The following FUBP1 variants were observed in gnomAD, a reference collection of about 807,000 sequenced individuals.
The protein encoded by FUBP1 is far upstream element binding protein 1.
Under a neutral mutation model 94.9 loss-of-function variants are expected in FUBP1, and 16 were observed. The observed-to-expected ratio is 0.17, with a 90% CI of 0.11 to 0.26. FUBP1 has a LOEUF of 0.26. FUBP1 is among the 10% of genes least tolerant of loss of function. The probability of loss-of-function intolerance (pLI) is 1.00; values close to 1 mark genes in which losing one functional copy is unlikely to be tolerated. For missense variants in FUBP1, 583 were observed against 808.6 expected (o/e 0.72, Z 3.38); for synonymous variants, 279 against 254.9 (o/e 1.09, Z -0.90).
intron 16 of FUBP1, among the ~76,000 whole-genome samples, chr1:77,958,566 G>A (rs767405991): frequency 6.6e-5 from 10 of 152,138 alleles, no homozygotes; most frequent in Non-Finnish European, 1.5e-4. Flanking sequence ...ATCTGAGTGG[G>A]GCCAACCAGC....
intron 4 of FUBP1, among the ~76,000 whole-genome samples, chr1:77,967,387 C>T (rs2102428488): frequency 6.6e-6 from 1 of 152,280 alleles, no homozygotes; most frequent in South Asian, 2.1e-4. Context: ...TTAACAGTTA[C>T]TCTAATTCAC....
chr1:77,958,506 G>A (rs939942153), intron 16 of FUBP1, among the ~76,000 whole-genome samples: 1 of 152,160 alleles, frequency 6.6e-6, no homozygotes, highest in Non-Finnish European at 1.5e-5. Context: ...GCTATTCTAA[G>A]TCTAATATAA....
rs2102218029 is a variant in FUBP1, at chr1:77,947,344, C to T, written c.*1422G>A. ...CAGTTATGGTTTTCCAAGATATCAG[C>T]ACTGTATTCCAACATAATATTCACA... On this transcript the variant is annotated 3_prime_UTR_variant, in exon 20 of 20. Coordinates refer to ENST00000370768, the MANE Select transcript of FUBP1 (RefSeq NM_003902.5). 1 of 427,514 alleles carries T rather than the reference C, an allele frequency of 2.3e-6. No homozygotes were observed. Among genetic ancestry groups the T allele is most frequent in the East Asian group, 4.5e-5 (1 of 22,346 alleles). The allele number at this position is 427,514 out of a possible 1,614,324, so 26.5% of individuals were successfully genotyped here. A position where few individuals can be genotyped will look rare whatever the true frequency, so the allele number is the denominator to read the frequency against.
At chr1:77,972,771 A>AAAAAGAAAAG (rs372242562) in intron 1 of FUBP1, among the ~76,000 whole-genome samples, 2,082 of 151,604 alleles carry the variant, frequency 0.014, 22 homozygotes, top group Non-Finnish European at 0.021. Context: ...CAAAAAAGAA[A>AAAAAGAAAAG]AAAAGAAAAG....
chr1:77,949,093 A>G, intron 19 of FUBP1, 62 bp downstream of exon 19: 1 of 1,456,738 alleles, frequency 6.9e-7, no homozygotes, highest in Non-Finnish European at 9.6e-7. Flanking sequence ...CAAACAGACA[A>G]ACAGTAAACA....
In FUBP1 at chr1:77,966,760, T is replaced by G; in HGVS notation, c.416-9A>C. On this transcript the variant is annotated splice_polypyrimidine_tract_variant and intron_variant, in intron 6 of 19. Transcript: ENST00000370768. ...TGGAAGGCCACCACTGTCTACAATT[T>G]AAAACAAACAGATAACTTCAGGTCA... 1 of 1,534,562 alleles carries G rather than the reference T, an allele frequency of 6.5e-7. No individual in the cohort carries two copies. The highest frequency in any genetic ancestry group is 9.0e-7 in the Non-Finnish European group (1 of 1,108,896).
chr1:77,960,317 A>G, intron 15 of FUBP1, 27 bp downstream of exon 15: 2 of 1,613,120 alleles, frequency 1.2e-6, no homozygotes, highest in Non-Finnish European at 1.7e-6. Flanking sequence ...TCTTTGGGGA[A>G]AGCCCAGAAC....
rs1651872806 is a variant in FUBP1, at chr1:77,945,069, C to T, written c.*3697G>A. Among the ~76,000 whole-genome samples, 1 of 151,974 alleles carries T rather than the reference C, an allele frequency of 6.6e-6. No homozygotes were observed. Among genetic ancestry groups the T allele is most frequent in the African/African-American group, 2.4e-5 (1 of 41,430 alleles). ...TCAACTGGCTCACCTTTTCTGCTTT[C>T]CATTTATTTCAGACTTAAGATCAGC... On this transcript the variant is annotated 3_prime_UTR_variant, in exon 20 of 20. Transcript: ENST00000370768.
chr1:77,955,800 C>G (rs1016392470), intron 17 of FUBP1, among the ~76,000 whole-genome samples: 3 of 152,094 alleles, frequency 2.0e-5, no homozygotes, highest in African/African-American at 7.2e-5. Flanking sequence ...TTGAAAGAAG[C>G]TAGAAGCAAT....
chr1:77,979,102 T>G, upstream of FUBP1: 1 of 1,229,978 alleles, frequency 8.1e-7, no homozygotes, highest in South Asian at 1.5e-5. Flanking sequence ...CTCTATTACA[T>G]TCTTGCGCGA....
intron 7 of FUBP1, 57 bp from the exon 8 acceptor site, chr1:77,965,288 T>C (rs765606949): frequency 4.1e-5 from 49 of 1,193,762 alleles, no homozygotes; most frequent in Middle Eastern, 2.0e-4. Flanking sequence ...CTTATTCAAA[T>C]AGAGAAATAT....
intron 9 of FUBP1, 47 bp downstream of exon 9, chr1:77,964,823 C>A (rs1656174009): frequency 2.0e-6 from 3 of 1,490,754 alleles, no homozygotes; most frequent in Non-Finnish European, 1.9e-6. Flanking sequence ...TTTTGCCCAA[C>A]CCCATTCAAC....
intron 14 of FUBP1, among the ~76,000 whole-genome samples, chr1:77,962,503 CTAA>C (rs1655680642): frequency 1.3e-5 from 2 of 152,314 alleles, no homozygotes; most frequent in East Asian, 3.9e-4. Context: ...TACACCAACA[CTAA>C]TATCATGCCT....
At chr1:77,978,695 G>A (rs1557490109) in intron 1 of FUBP1, among the ~76,000 whole-genome samples, 190 bp downstream of exon 1, 1 of 152,184 alleles carries the variant, frequency 6.6e-6, no homozygotes. Context: ...AAGTGGATTA[G>A]GCACCAAGAA....
Position 77,944,768 on chromosome 1 carries a change from T to C in FUBP1, c.*3998A>G, listed in dbSNP as rs1339151878. On this transcript the variant is annotated 3_prime_UTR_variant, in exon 20 of 20. Transcript: ENST00000370768. ...CACCCTTATGAATTAACTACCAAGATAATTTGTTTAAAAGATATATTTTAC... is the reference window on the plus strand; with the variant it reads ...CACCCTTATGAATTAACTACCAAGACAATTTGTTTAAAAGATATATTTTAC... Among the ~76,000 whole-genome samples the C allele has an allele frequency of 6.6e-6, 1 of 151,982 alleles. No homozygotes were observed. The highest frequency in any genetic ancestry group is 1.5e-5 in the Non-Finnish European group (1 of 67,852).
In FUBP1 at chr1:77,944,305, C is replaced by T. The variant is rs1571182554; in HGVS notation, c.*4461G>A. ...CATTTTTCTCAGGACGAAAATGCAT[C>T]GAGCATGCATAAGAAAATATATATA... On this transcript the variant is annotated 3_prime_UTR_variant, in exon 20 of 20. Transcript: ENST00000370768. 1 of 196,974 alleles carries T rather than the reference C, an allele frequency of 5.1e-6. No individual in the cohort carries two copies. The highest frequency in any genetic ancestry group is 7.8e-5 in the East Asian group (1 of 12,790). 12.2% of individuals were successfully genotyped at this position (196,974 alleles called of 1,614,324 possible).
At chr1:77,976,768 C>G (rs1204188797) in intron 1 of FUBP1, among the ~76,000 whole-genome samples, 1 of 152,218 alleles carries the variant, frequency 6.6e-6, no homozygotes, top group Non-Finnish European at 1.5e-5. Flanking sequence ...GCTGGGACTA[C>G]AGGCGTGAGC....
At chr1:77,962,568 T>C (rs532326356) in intron 14 of FUBP1, among the ~76,000 whole-genome samples, 4 of 152,320 alleles carry the variant, frequency 2.6e-5, no homozygotes, top group African/African-American at 9.6e-5. Context: ...GTAAGGTTGT[T>C]CTCAAAACCT....
chr1:77,958,909 A>G (rs747359699), intron 16 of FUBP1, among the ~76,000 whole-genome samples: 3 of 152,190 alleles, frequency 2.0e-5, no homozygotes, highest in Non-Finnish European at 4.4e-5. Context: ...TTAGTTGTTA[A>G]GAGTATTATA....
Sources: allele counts gnomAD v4.1 joint callset (sites outside exome capture counted in the v4.1 genomes callset), GRCh38; gene constraint gnomAD v4.1.1; transcripts MANE v1.5; gene names NCBI Gene and HGNC (gene_info 2026-07-23, HGNC 2026-07-21).